The following TONSL variants were observed in gnomAD, a reference collection of about 807,000 sequenced individuals.
TONSL encodes tonsoku like, DNA repair protein, also known as tonsoku-like protein.
TONSL carries 112 observed loss-of-function variants against 147.1 expected under a neutral mutation model. The observed-to-expected ratio is 0.76, with a 90% CI of 0.65 to 0.89. The LOEUF (loss-of-function observed/expected upper bound fraction) is 0.89, where lower values mean the gene tolerates loss of function less well. Among genes scored for constraint, TONSL ranks in the 40% least tolerant of loss-of-function variants. The pLI, the probability that TONSL is intolerant of heterozygous loss-of-function variation, is 0.00. For missense variants in TONSL, 1,883 were observed against 1,864.6 expected (o/e 1.01, Z -0.18); for synonymous variants, 868 against 801.5 (o/e 1.08, Z -1.40).
chr8:144,432,280 C>T lies in TONSL; in HGVS notation c.3735+5G>A, dbSNP rs375026416. The T allele has an allele frequency of 1.1e-5, 18 of 1,613,310 alleles. No individual in the cohort carries two copies. Among genetic ancestry groups the T allele is most frequent in the African/African-American group, 2.7e-5 (2 of 74,898 alleles). On this transcript the variant is annotated splice_donor_5th_base_variant and intron_variant, in intron 23 of 25. Transcript: ENST00000409379. ...GTATTTTCTGGGTTCTTCCCCACCT[C>T]GTACCTTGGCCAGGTATCGGAATAC...
Position 144,442,296 on chromosome 8 carries a change from G to A in TONSL, c.695C>T (p.Ala232Val), listed in dbSNP as rs368498512. ...CATGAACCGCTTCCTCATGGTGTGC[G>A]CACACTCCCGGGCACCCTCCAAGCA... Reference protein sequence around the residue: ...MRCLEGARECAHTMRKRFMES... With the variant: ...MRCLEGARECVHTMRKRFMES... The change falls in exon 6 of 26, where the codon GCG becomes GTG. Residue 232 changes from alanine (A) to valine (V), a missense_variant. Ala to Val is a moderately conservative substitution (Grantham distance 64). Coordinates refer to ENST00000409379, the MANE Select transcript of TONSL (RefSeq NM_013432.5). 4.6e-5 allele frequency: 74 copies of A among 1,598,270 alleles called. No homozygotes were observed. Among genetic ancestry groups the A allele is most frequent in the Non-Finnish European group, 5.6e-5 (66 of 1,169,430 alleles).
chr8:144,429,818 C>T (rs1040706021), intron 25 of TONSL, among the ~76,000 whole-genome samples: 1 of 152,136 alleles, frequency 6.6e-6, no homozygotes, highest in Non-Finnish European at 1.5e-5. Flanking sequence ...GGAGGGGGCA[C>T]AGGAAGAAAG....
In TONSL at chr8:144,443,734, A is replaced by G. The variant is rs1250353757; in HGVS notation, c.264+148T>C. On this transcript the variant is annotated intron_variant, in intron 3 of 25. Transcript: ENST00000409379. ...AAGGCTGTGGGGTCCCCACCGGAGGACTGGCCCGGGGCGGTGAAGGCAAGG... is the reference window on the plus strand; with the variant it reads ...AAGGCTGTGGGGTCCCCACCGGAGGGCTGGCCCGGGGCGGTGAAGGCAAGG... 6.1e-6 allele frequency: 7 copies of G among 1,140,886 alleles called. No homozygotes were observed. In the Admixed American group the frequency reaches 1.0e-4, roughly 16 times the overall value. The allele number at this position is 1,140,886 out of a possible 1,614,324, so 70.7% of individuals were successfully genotyped here. A position where few individuals can be genotyped will look rare whatever the true frequency, so the allele number is the denominator to read the frequency against.
intron 9 of TONSL, 98 bp downstream of exon 9, chr8:144,440,620 G>A (rs766696015): frequency 2.5e-4 from 381 of 1,533,658 alleles, no homozygotes; most frequent in Non-Finnish European, 3.1e-4. Context: ...GGAGCTGCCC[G>A]TCCAGTAAGG....
chr8:144,429,877 G>A (rs1823108819), intron 25 of TONSL, among the ~76,000 whole-genome samples: 1 of 152,190 alleles, frequency 6.6e-6, no homozygotes, highest in South Asian at 2.1e-4. Flanking sequence ...CCCCTGGAGG[G>A]CACAGCCTGC....
chr8:144,438,355 A>C (rs2129661227), intron 13 of TONSL, 116 bp downstream of exon 13: 2,367 of 806,536 alleles, frequency 2.9e-3, no homozygotes, highest in Non-Finnish European at 3.9e-3. Context: ...CATGCTTGCT[A>C]AGGGGCCCCA....
intron 24 of TONSL, 21 bp from the exon 25 acceptor site, chr8:144,430,558 G>A: frequency 6.3e-7 from 1 of 1,596,342 alleles, no homozygotes. Flanking sequence ...ATGGGAAGAA[G>A]TGCAAAGGTT....
chr8:144,431,007 C>T (rs1823165204), intron 24 of TONSL, 71 bp downstream of exon 24: 2 of 1,538,694 alleles, frequency 1.3e-6, no homozygotes, highest in Non-Finnish European at 1.8e-6. Flanking sequence ...TTTCTGTGGC[C>T]CTTCTCCCAT....
intron 13 of TONSL, 76 bp downstream of exon 13, chr8:144,438,395 G>A: frequency 6.7e-7 from 1 of 1,496,756 alleles, no homozygotes. Flanking sequence ...GAGAGTTACA[G>A]AGATAGGGGA....
chr8:144,444,342 C>T lies in TONSL; in HGVS notation c.25+48G>A, dbSNP rs967718765. ...CGGGGCCGGGGCCGAGTCCCAAGCC[C>T]TCCCCAGCCTCCGCGCCCCCGGAGG... On this transcript the variant is annotated intron_variant, in intron 1 of 25. Coordinates refer to ENST00000409379, the MANE Select transcript of TONSL (RefSeq NM_013432.5). The T allele has an allele frequency of 8.5e-6, 11 of 1,294,862 alleles. No individual in the cohort carries two copies. In the African/African-American group the frequency reaches 1.5e-4, roughly 18 times the overall value. The allele number at this position is 1,294,862 out of a possible 1,614,324, so 80.2% of individuals were successfully genotyped here.
chr8:144,436,762 G>T lies in TONSL; in HGVS notation c.1885C>A (p.Arg629=). 1 of 1,610,804 alleles carries T rather than the reference G, an allele frequency of 6.2e-7. No homozygotes were observed. The change falls in exon 15 of 26, where the codon CGA becomes AGA. Residue 629 remains arginine, a synonymous_variant. Transcript: ENST00000409379. ...ERGASVTLRT[R]KGLSPLETLQ... ...CTCTGCCCCACCAGGCTCACCTTTC[G>T]AGTGCGGAGGGTGACGGACGCCCCC...
Position 144,435,554 on chromosome 8 carries a change from G to A in TONSL, c.2776-4C>T. Reference sequence around the variant, plus strand: ...TGGGAGGGGGCGGGGCCGGACCCTGGCAGGTGAAGGCAGCAGGGCTGAGTC... The same window carrying A: ...TGGGAGGGGGCGGGGCCGGACCCTGACAGGTGAAGGCAGCAGGGCTGAGTC... On this transcript the variant is annotated splice_region_variant and splice_polypyrimidine_tract_variant and intron_variant, in intron 17 of 25. Transcript: ENST00000409379. 6.4e-7 allele frequency: 1 copy of A among 1,551,106 alleles called. No homozygotes were observed. The highest frequency in any genetic ancestry group is 8.7e-7 in the Non-Finnish European group (1 of 1,147,868).
chr8:144,434,388 C>T, intron 20 of TONSL, 109 bp from the exon 21 acceptor site: 1 of 990,856 alleles, frequency 1.0e-6, no homozygotes, highest in Admixed American at 3.2e-5. Flanking sequence ...GGTCACCCAC[C>T]AGACTTGCTG....
chr8:144,439,772 A>G (rs570535137), intron 11 of TONSL: 2 of 527,082 alleles, frequency 3.8e-6, no homozygotes, highest in Non-Finnish European at 6.6e-6. Flanking sequence ...GTGCCTCTCT[A>G]ACGGGACCAT....
At chr8:144,433,429 G>A (rs1554879163) in intron 22 of TONSL, 159 bp downstream of exon 22, 2 of 733,468 alleles carry the variant, frequency 2.7e-6, no homozygotes, top group African/African-American at 3.6e-5. Flanking sequence ...AGGCTTTCCT[G>A]GAACTCTTGG....
chr8:144,442,484 C>A (rs1823757364), intron 5 of TONSL, 72 bp from the exon 6 acceptor site: 4 of 1,498,112 alleles, frequency 2.7e-6, no homozygotes, highest in Middle Eastern at 1.8e-4. Flanking sequence ...CGGGCCCCAG[C>A]CCTGCCATGC....
At chr8:144,430,977 G>T in intron 24 of TONSL, 101 bp downstream of exon 24, 1 of 1,361,712 alleles carries the variant, frequency 7.3e-7, no homozygotes, top group South Asian at 1.2e-5. Context: ...GGATGTGCTG[G>T]GGAGGAGGAG....
chr8:144,429,039 TG>T lies in TONSL; in HGVS notation c.*103del. The T allele has an allele frequency of 7.7e-7, 1 of 1,302,458 alleles. No individual in the cohort carries two copies. The highest frequency in any genetic ancestry group is 1.0e-6 in the Non-Finnish European group (1 of 989,362). The allele number at this position is 1,302,458 out of a possible 1,614,324, so 80.7% of individuals were successfully genotyped here. A position where few individuals can be genotyped will look rare whatever the true frequency, so the allele number is the denominator to read the frequency against. On this transcript the variant is annotated 3_prime_UTR_variant, in exon 26 of 26. Transcript: ENST00000409379. The stretch of plus-strand genomic sequence containing the variant: ...CTCCTGACCTCGTGATCCGCCCGCC[TG>T]GGCCTCCCAAAGTGTTGGGATTACA...
chr8:144,433,217 A>G (rs1823288164), intron 22 of TONSL: 2 of 185,420 alleles, frequency 1.1e-5, no homozygotes, highest in South Asian at 1.8e-4. Context: ...CGTAGCTGGG[A>G]CTACAGGCAC....
Sources: allele counts gnomAD v4.1 joint callset (sites outside exome capture counted in the v4.1 genomes callset), GRCh38; gene constraint gnomAD v4.1.1; transcripts MANE v1.5; gene names NCBI Gene and HGNC (gene_info 2026-07-23, HGNC 2026-07-21).